ABLIM2: variants seen among roughly 807,000 people sequenced by gnomAD.
The protein encoded by ABLIM2 is actin-binding LIM protein 2.
Under a neutral mutation model 97.7 loss-of-function variants are expected in ABLIM2, and 53 were observed. The ratio of observed to expected loss-of-function variants is 0.54; its 90% CI spans 0.44 to 0.68. The LOEUF is 0.68. Among genes scored for constraint, ABLIM2 ranks in the 30% least tolerant of loss-of-function variants. The probability of loss-of-function intolerance (pLI) is 0.00; values close to 1 mark genes in which losing one functional copy is unlikely to be tolerated. For missense variants in ABLIM2, 835 were observed against 867.2 expected (o/e 0.96, Z 0.47); for synonymous variants, 361 against 345.8 (o/e 1.04, Z -0.49).
At chr4:8,081,826 C>T (rs534639287) in intron 4 of ABLIM2, among the ~76,000 whole-genome samples, 50 of 152,222 alleles carry the variant, frequency 3.3e-4, no homozygotes, top group East Asian at 3.3e-3. Context: ...GCAACTGGGA[C>T]GGAGCAGGGC....
intron 14 of ABLIM2, among the ~76,000 whole-genome samples, chr4:8,018,852 C>T (rs11931898): frequency 0.021 from 3,181 of 152,322 alleles, 36 homozygotes; most frequent in Non-Finnish European, 0.031. Context: ...ATGCACTTCC[C>T]TATTCGATAT....
rs1561638967 is a variant in ABLIM2 at position 8,148,839 on chromosome 4, G to T, written c.10+9841C>A. Among the ~76,000 whole-genome samples, 1 of 152,282 alleles carries T rather than the reference G, an allele frequency of 6.6e-6. No individual in the cohort carries two copies. Among genetic ancestry groups the T allele is most frequent in the Non-Finnish European group, 1.5e-5 (1 of 68,010 alleles). On this transcript the variant is annotated intron_variant, in intron 1 of 20. Transcript: ENST00000447017. This position sits in a 1 kb window ranked among gnomAD's most constrained non-coding sequence, Gnocchi z 6.7. ...GGTTCCTGGACCCCCACCTCTCCAT[G>T]AGACCACCCCTATCTCCTCCCAGAG...
chr4:8,154,516 G>A (rs1385692433), intron 1 of ABLIM2, among the ~76,000 whole-genome samples: 3 of 151,752 alleles, frequency 2.0e-5, no homozygotes, highest in Non-Finnish European at 4.4e-5. Context: ...TCCTGACCTT[G>A]TGATCCACCC....
At chr4:8,028,371 C>T (rs1778767547) in intron 11 of ABLIM2, among the ~76,000 whole-genome samples, 1 of 152,220 alleles carries the variant, frequency 6.6e-6, no homozygotes, top group Admixed American at 6.5e-5. Flanking sequence ...CTTAGCTCAC[C>T]TGCTCACCTG....
rs1254044277 is a variant in ABLIM2 at position 8,019,067 on chromosome 4, G to A, written c.1423+551C>T. Among the ~76,000 whole-genome samples the A allele has an allele frequency of 6.6e-6, 1 of 152,184 alleles. No individual in the cohort carries two copies. Among genetic ancestry groups the A allele is most frequent in the Non-Finnish European group, 1.5e-5 (1 of 68,034 alleles). ...CAAGCTGCTCCCTGCGCACCTCCCA[G>A]GCAGGTTCACGTGGAGCAGAGCTGG... On this transcript the variant is annotated intron_variant, in intron 14 of 20. Coordinates refer to ENST00000447017, the MANE Select transcript of ABLIM2 (RefSeq NM_001130083.2). This position sits in a 1 kb window ranked among gnomAD's most constrained non-coding sequence, Gnocchi z 4.3.
At chr4:8,117,866 A>G (rs1206648812) in intron 1 of ABLIM2, among the ~76,000 whole-genome samples, 1 of 152,188 alleles carries the variant, frequency 6.6e-6, no homozygotes, top group Non-Finnish European at 1.5e-5. Flanking sequence ...CCAGCTGCTC[A>G]CTGTGGGAAG....
chr4:8,117,772 C>T (rs984736920), intron 1 of ABLIM2, among the ~76,000 whole-genome samples: 7 of 152,136 alleles, frequency 4.6e-5, no homozygotes, highest in South Asian at 2.1e-4. Flanking sequence ...AAGCCAGCTC[C>T]GCTTACTCTA....
At chr4:8,074,783 T>G (rs1431232553) in intron 6 of ABLIM2, among the ~76,000 whole-genome samples, 8 of 148,156 alleles carry the variant, frequency 5.4e-5, no homozygotes, top group Non-Finnish European at 7.5e-5. Flanking sequence ...ATTCTTTTTT[T>G]TTTTTTTTTT....
chr4:7,967,147 A>G (rs1223310941), intron 20 of ABLIM2, 44 bp from the exon 21 acceptor site: 1 of 1,522,418 alleles, frequency 6.6e-7, no homozygotes, highest in Admixed American at 1.7e-5. Flanking sequence ...TTAGCCACGC[A>G]GCAAGGGACA....
chr4:8,143,421 T>C (rs1186644708), intron 1 of ABLIM2, among the ~76,000 whole-genome samples: 1 of 152,082 alleles, frequency 6.6e-6, no homozygotes, highest in East Asian at 1.9e-4. Context: ...TGTGGAGCCC[T>C]GCACCCTGCA....
chr4:7,974,754 CATCTATCCATCCATCT>C (rs980469616), intron 20 of ABLIM2, among the ~76,000 whole-genome samples: 3 of 152,114 alleles, frequency 2.0e-5, no homozygotes, highest in Non-Finnish European at 1.5e-5. Context: ...TCCACTCATC[CATCTATCCATCCATCT>C]ATCTATCCAT....
At chr4:8,059,465 C>T (rs1172438826) in intron 7 of ABLIM2, among the ~76,000 whole-genome samples, 1 of 152,076 alleles carries the variant, frequency 6.6e-6, no homozygotes, top group African/African-American at 2.4e-5. Flanking sequence ...GGTCTCTTCT[C>T]AGTGGAGAAG....
At chr4:8,134,270 A>T (rs1849858874) in intron 1 of ABLIM2, among the ~76,000 whole-genome samples, 2 of 152,210 alleles carry the variant, frequency 1.3e-5, no homozygotes. Context: ...GGGTGAGCAC[A>T]GAGATGCAGT....
At chr4:8,009,011 G>C in intron 15 of ABLIM2, 39 bp downstream of exon 15, 1 of 1,610,826 alleles carries the variant, frequency 6.2e-7, no homozygotes, top group Non-Finnish European at 8.5e-7. Context: ...TTCTTTCTGA[G>C]CAAGGCTGTT....
intron 14 of ABLIM2, among the ~76,000 whole-genome samples, chr4:8,017,241 G>A (rs1172682062): frequency 6.6e-6 from 1 of 151,896 alleles, no homozygotes; most frequent in Non-Finnish European, 1.5e-5. Flanking sequence ...GTTCAGGGAG[G>A]TGCTCTATTC....
chr4:8,149,811 G>C lies in ABLIM2; in HGVS notation c.10+8869C>G, dbSNP rs368739041. Among the ~76,000 whole-genome samples, 6 of 152,172 alleles carry C rather than the reference G, an allele frequency of 3.9e-5. No homozygotes were observed. The highest frequency in any genetic ancestry group is 1.4e-4 in the African/African-American group (6 of 41,514). On this transcript the variant is annotated intron_variant, in intron 1 of 20. Coordinates refer to ENST00000447017, the MANE Select transcript of ABLIM2 (RefSeq NM_001130083.2). The surrounding 1 kb of genome is among the most constrained non-coding windows in gnomAD (Gnocchi z 6.4). ...AGACTTCCCCAGCACCTCACACTCAGGACTGGCCCTGCGCCCAGACAGGAC... is the reference window on the plus strand; with the variant it reads ...AGACTTCCCCAGCACCTCACACTCACGACTGGCCCTGCGCCCAGACAGGAC...
chr4:8,073,647 G>A (rs1179905705), intron 6 of ABLIM2, among the ~76,000 whole-genome samples: 1 of 152,186 alleles, frequency 6.6e-6, no homozygotes, highest in East Asian at 1.9e-4. Context: ...TATCAGATAT[G>A]ATCGCCACCC....
chr4:8,116,910 T>C (rs1416232739), intron 1 of ABLIM2, among the ~76,000 whole-genome samples: 1 of 152,236 alleles, frequency 6.6e-6, no homozygotes, highest in Admixed American at 6.5e-5. Context: ...TAGCAGTTTA[T>C]AGTTTACAAA....
At chr4:7,979,105 T>A (rs1451848599) in intron 20 of ABLIM2, among the ~76,000 whole-genome samples, 1 of 152,200 alleles carries the variant, frequency 6.6e-6, no homozygotes, top group Non-Finnish European at 1.5e-5. Context: ...CTGCCTGGCG[T>A]CCTCCTACTG....
Sources: gnomAD v4.1 joint callset for allele counts (sites outside exome capture counted in the v4.1 genomes callset) on GRCh38, gnomAD v4.1.1 for gene constraint, Gnocchi (gnomAD v3.1) non-coding constraint, MANE v1.5 for transcripts, NCBI Gene and HGNC (gene_info 2026-07-23, HGNC 2026-07-21) for gene names.